Variants in CCNH observed in about 807,000 individuals in gnomAD.
CCNH encodes cyclin-H.
A neutral mutation model predicts 41.9 loss-of-function variants in CCNH; 31 were observed. The ratio of observed to expected loss-of-function variants is 0.74; its 90% confidence interval spans 0.56 to 1.00. The LOEUF (loss-of-function observed/expected upper bound fraction) is 1.00. Among genes scored for constraint, CCNH ranks in the 50% least tolerant of loss-of-function variants. The pLI, the probability that CCNH is intolerant of heterozygous loss-of-function variation, is 0.00. For missense variants in CCNH, 362 were observed against 388.4 expected, an observed-to-expected ratio of 0.93 and a Z score of 0.57; for synonymous variants, 138 against 136.1, an observed-to-expected ratio of 1.01 and a Z score of -0.10.
At chr5:87,346,562 ATTTAT>A (rs1758875997) in intron 9 of CCNH, 11 of 605,866 alleles carry the variant, frequency 1.8e-5, no homozygotes, top group Non-Finnish European at 2.9e-5. Context: ...GATTAATTGC[ATTTAT>A]TTTATCACTT....
chr5:87,408,871 C>T (rs564316781), intron 3 of CCNH, among the ~76,000 whole-genome samples: 22 of 152,222 alleles, frequency 1.4e-4, no homozygotes, highest in South Asian at 8.3e-4. Context: ...ATAGACACAG[C>T]GCTCAGCAGA....
intron 6 of CCNH, among the ~76,000 whole-genome samples, chr5:87,400,777 C>T (rs1763344617): frequency 6.6e-6 from 1 of 152,150 alleles, no homozygotes; most frequent in African/African-American, 2.4e-5. Flanking sequence ...GAACAATTTA[C>T]ACAAGAAGGT....
the CCNH span, among the ~76,000 whole-genome samples, chr5:87,313,115 G>T: frequency 6.6e-6 from 1 of 152,212 alleles, no homozygotes; most frequent in African/African-American, 2.4e-5. Context: ...TATTATGGGA[G>T]TTCAGAGTAG....
Position 87,376,806 on chromosome 5 carries a change from A to G in CCNH, n.375T>C, listed in dbSNP as rs144354008. 5.2e-4 allele frequency: 741 copies of G among 1,426,592 alleles called. 5 individuals carry two copies. The highest frequency in any genetic ancestry group is 5.0e-3 in the East Asian group (218 of 43,632). 88.4% of individuals were successfully genotyped at this position (1,426,592 alleles called of 1,614,324 possible). A position where few individuals can be genotyped will look rare whatever the true frequency, so the allele number is the denominator to read the frequency against. ...TAAATATAAGAACTTGTGAAAGAAC[A>G]TATTTCTTGTTAGTCTCATGGAGCA... On this transcript the variant is annotated non_coding_transcript_exon_variant, in exon 1 of 1. Coordinates refer to the CCNH transcript ENST00000607486.
At chr5:87,331,305 A>C (rs762762040) in intron 9 of CCNH, 20 of 1,544,014 alleles carry the variant, frequency 1.3e-5, no homozygotes, top group Non-Finnish European at 1.6e-5. Flanking sequence ...GAAATTCTGC[A>C]CTTGCTATTT....
In CCNH at chr5:87,409,249, T is replaced by A. The variant is rs777261785; in HGVS notation, c.314+41A>T. Reference sequence around the variant, plus strand: ...AAAAATACTCAAAAGATTATAAAGGTCTTCTTAAATGAAAACAATATATTA... The same window carrying A: ...AAAAATACTCAAAAGATTATAAAGGACTTCTTAAATGAAAACAATATATTA... On this transcript the variant is annotated intron_variant, in intron 3 of 8. Transcript: ENST00000256897. The A allele has an allele frequency of 1.7e-5, 19 of 1,128,666 alleles. No individual in the cohort carries two copies. The South Asian group carries it at 2.6e-4, about 16-fold the overall frequency. The allele number at this position is 1,128,666 out of a possible 1,614,324, so 69.9% of individuals were successfully genotyped here.
chr5:87,394,609 G>C, intron 8 of CCNH, 125 bp from the exon 9 acceptor site: 1 of 1,505,384 alleles, frequency 6.6e-7, no homozygotes, highest in South Asian at 1.4e-5. Flanking sequence ...GATAAACCAG[G>C]AAATTTTGTA....
At chr5:87,381,179 T>C (rs1336725817), upstream of CCNH, among the ~76,000 whole-genome samples, 6 of 152,222 alleles carry the variant, frequency 3.9e-5, no homozygotes. Flanking sequence ...GTAAGGTTAC[T>C]TCATTATCAT....
chr5:87,379,661 CTACT>C, upstream of CCNH: 1 of 1,563,874 alleles, frequency 6.4e-7, no homozygotes, highest in Non-Finnish European at 8.7e-7. Context: ...AAAACTATAA[CTACT>C]TGTTTTCCTC....
chr5:87,385,520 G>C, intron 9 of CCNH: 1 of 728,792 alleles, frequency 1.4e-6, no homozygotes. Flanking sequence ...TTGTTGGTAT[G>C]TTTGTTTTTA....
At chr5:87,410,380 T>C (rs1012408655) in intron 2 of CCNH, among the ~76,000 whole-genome samples, 3 of 152,140 alleles carry the variant, frequency 2.0e-5, no homozygotes, top group Admixed American at 6.5e-5. Context: ...CCTAAAACTC[T>C]CTCTGAATCT....
At chr5:87,378,853 G>A (rs1761506357), upstream of CCNH, among the ~76,000 whole-genome samples, 1 of 152,126 alleles carries the variant, frequency 6.6e-6, no homozygotes, top group African/African-American at 2.4e-5. Flanking sequence ...TGAAGGTTTT[G>A]TTAGTGACTC....
chr5:87,376,800 AAG>A, exon 1 of CCNH: 1 of 1,405,296 alleles, frequency 7.1e-7, no homozygotes, highest in Non-Finnish European at 1.0e-6. Flanking sequence ...GAACTTGTGA[AAG>A]AACATATTTC....
chr5:87,325,791 C>T (rs1158280024), intron 9 of CCNH, among the ~76,000 whole-genome samples: 9 of 152,142 alleles, frequency 5.9e-5, no homozygotes, highest in Non-Finnish European at 1.2e-4. Context: ...TTGGGATTGT[C>T]AAGTTAGTTG....
At chr5:87,394,836 A>G in intron 8 of CCNH, 2 of 1,369,126 alleles carry the variant, frequency 1.5e-6, no homozygotes, top group Non-Finnish European at 1.9e-6. Flanking sequence ...CTATGAACAC[A>G]GGAAGGATTC....
intron 9 of CCNH, chr5:87,363,288 A>G: frequency 7.2e-7 from 1 of 1,397,702 alleles, no homozygotes; most frequent in East Asian, 2.3e-5. Flanking sequence ...ACTAATTTTA[A>G]TAATATGTAG....
chr5:87,374,926 T>C (rs752066089), downstream of CCNH: 14 of 1,601,044 alleles, frequency 8.7e-6, no homozygotes, highest in South Asian at 1.5e-4. Context: ...TGTAAGTTGA[T>C]ACAGAAACTT....
intron 6 of CCNH, among the ~76,000 whole-genome samples, chr5:87,401,348 A>G (rs1334052141): frequency 6.6e-6 from 1 of 152,270 alleles, no homozygotes; most frequent in Admixed American, 6.5e-5. Context: ...TCTACAAAAT[A>G]GAAGTTCCAA....
chr5:87,338,501 T>A (rs1356500226), intron 9 of CCNH, among the ~76,000 whole-genome samples: 2 of 75,682 alleles, frequency 2.6e-5, no homozygotes, highest in African/African-American at 4.9e-5. Context: ...CCAGCTAATT[T>A]TATATATATA....
Sources: allele counts gnomAD v4.1 joint callset (sites outside exome capture counted in the v4.1 genomes callset), GRCh38; gene constraint gnomAD v4.1.1; transcripts MANE v1.5; gene names NCBI Gene and HGNC (gene_info 2026-07-23, HGNC 2026-07-21).